NEK11: variants seen among roughly 807,000 people sequenced by gnomAD.
NEK11 encodes the protein serine/threonine-protein kinase Nek11.
A neutral mutation model predicts 80.7 loss-of-function variants in NEK11; 72 were observed. The ratio of observed to expected loss-of-function variants is 0.89; its 90% CI spans 0.74 to 1.08. The LOEUF is 1.08. Ranked by LOEUF, NEK11 falls within the 50% of genes least tolerant of loss-of-function variation. NEK11 has a pLI of 0.00. For synonymous variants in NEK11, 251 were observed against 260.7 expected (o/e 0.96, Z 0.36); for missense variants, 764 against 763.6 (o/e 1.00, Z -0.01).
At chr3:131,240,823 C>A (rs2095507800) in intron 15 of NEK11, among the ~76,000 whole-genome samples, 1 of 152,080 alleles carries the variant, frequency 6.6e-6, no homozygotes, top group African/African-American at 2.4e-5. Flanking sequence ...AGGAGATCAT[C>A]TGGATTATTT....
chr3:131,103,298 G>A (rs184705120), intron 4 of NEK11, among the ~76,000 whole-genome samples: 9 of 152,152 alleles, frequency 5.9e-5, no homozygotes, highest in South Asian at 2.1e-4. Context: ...GAAGGTTGGC[G>A]TTCCTTTAAT....
At chr3:131,245,000 A>G (rs2095575789) in intron 16 of NEK11, among the ~76,000 whole-genome samples, 2 of 152,136 alleles carry the variant, frequency 1.3e-5, no homozygotes, top group African/African-American at 4.8e-5. Context: ...TATATTGCAC[A>G]GTGGTAAAGT....
rs1027417582 is a variant in NEK11 at position 131,114,691 on chromosome 3, G to C, written c.455+4770G>C. Among the ~76,000 whole-genome samples the C allele has an allele frequency of 2.5e-4, 38 of 152,270 alleles. 1 individual carries two copies. The highest frequency in any genetic ancestry group is 8.7e-4 in the African/African-American group (36 of 41,550). On this transcript the variant is annotated intron_variant, in intron 5 of 17. Coordinates refer to ENST00000383366, the MANE Select transcript of NEK11 (RefSeq NM_024800.5). ...TCCCAAAGGGACCCCTCACTGCAAG[G>C]AATAAGAAGCGTGAATACTTGGGAA...
At chr3:131,108,016 AG>A (rs1292733566) in intron 4 of NEK11, among the ~76,000 whole-genome samples, 15 of 152,152 alleles carry the variant, frequency 9.9e-5, no homozygotes, top group Non-Finnish European at 1.8e-4. Flanking sequence ...CTTTTAGACA[AG>A]GAGTTAAGTA....
chr3:131,091,372 A>G (rs894491664), intron 4 of NEK11, among the ~76,000 whole-genome samples: 2 of 152,290 alleles, frequency 1.3e-5, no homozygotes, highest in African/African-American at 4.8e-5. Context: ...GTCTAAATAT[A>G]TATTTATTTA....
chr3:131,325,905 A>T (rs934008826), intron 17 of NEK11: 4 of 152,232 alleles, frequency 2.6e-5, no homozygotes, highest in Non-Finnish European at 5.9e-5. Flanking sequence ...TTGTGATTGG[A>T]TGCCAGATTG....
intron 3 of NEK11, among the ~76,000 whole-genome samples, chr3:131,038,394 A>G (rs1371645708): frequency 6.6e-6 from 1 of 152,232 alleles, no homozygotes; most frequent in Non-Finnish European, 1.5e-5. Flanking sequence ...AATCATGGTA[A>G]TGAAGTCAAT....
intron 3 of NEK11, among the ~76,000 whole-genome samples, chr3:131,040,353 T>G (rs1465075755): frequency 6.6e-6 from 1 of 152,020 alleles, no homozygotes; most frequent in Non-Finnish European, 1.5e-5. Flanking sequence ...CTAAGCCTGA[T>G]GAAATGTGTG....
At chr3:131,207,109 T>C (rs2094463436) in intron 14 of NEK11, among the ~76,000 whole-genome samples, 1 of 152,252 alleles carries the variant, frequency 6.6e-6, no homozygotes, top group African/African-American at 2.4e-5. Flanking sequence ...CTATTGTGAA[T>C]AGTGCCACAA....
chr3:131,221,151 A>G (rs746324255), intron 14 of NEK11, among the ~76,000 whole-genome samples: 6 of 152,192 alleles, frequency 3.9e-5, no homozygotes, highest in Admixed American at 1.3e-4. Flanking sequence ...TTCAGCAAGA[A>G]GTTTTGGGTG....
intron 4 of NEK11, among the ~76,000 whole-genome samples, chr3:131,105,177 C>T (rs1006877233): frequency 1.3e-5 from 2 of 152,166 alleles, no homozygotes; most frequent in African/African-American, 2.4e-5. Context: ...ATTATCTTGA[C>T]AAAATGCAGA....
At chr3:131,258,601 C>T (rs1032179283) in intron 16 of NEK11, among the ~76,000 whole-genome samples, 5 of 152,088 alleles carry the variant, frequency 3.3e-5, no homozygotes, top group Non-Finnish European at 4.4e-5. Context: ...AATGTCAATC[C>T]AAAAAACAGA....
chr3:131,317,193 G>A (rs2109596721), intron 17 of NEK11, among the ~76,000 whole-genome samples: 1 of 152,302 alleles, frequency 6.6e-6, no homozygotes, highest in East Asian at 1.9e-4. Context: ...TTAAACCTAG[G>A]ACAGTGTCAG....
intron 4 of NEK11, among the ~76,000 whole-genome samples, chr3:131,092,581 C>A (rs993399731): frequency 2.6e-5 from 4 of 152,138 alleles, no homozygotes; most frequent in African/African-American, 7.2e-5. Flanking sequence ...CATACATATT[C>A]CCATGTTCAT....
At chr3:131,121,250 C>T (rs1478398737) in intron 5 of NEK11, among the ~76,000 whole-genome samples, 1 of 152,174 alleles carries the variant, frequency 6.6e-6, no homozygotes, top group African/African-American at 2.4e-5. Flanking sequence ...GCTGGAGGTC[C>T]ATTGCAGACC....
At chr3:131,255,451 A>T (rs747781135) in intron 16 of NEK11, among the ~76,000 whole-genome samples, 13 of 152,190 alleles carry the variant, frequency 8.5e-5, no homozygotes, top group Non-Finnish European at 1.2e-4. Context: ...AAACAGTGGT[A>T]TCCTAACCCA....
chr3:131,247,558 G>A (rs1315689386), intron 16 of NEK11, among the ~76,000 whole-genome samples: 1 of 152,056 alleles, frequency 6.6e-6, no homozygotes, highest in Non-Finnish European at 1.5e-5. Flanking sequence ...CAGGTAATGT[G>A]ATGCCTCCAG....
intron 17 of NEK11, 21 bp downstream of exon 17, chr3:131,273,595 C>T: frequency 6.4e-7 from 1 of 1,569,822 alleles, no homozygotes; most frequent in Non-Finnish European, 8.8e-7. Flanking sequence ...TGTTGCCTGC[C>T]CCCTAGGAAG....
At chr3:131,195,781 T>C (rs2093980487) in intron 14 of NEK11, among the ~76,000 whole-genome samples, 1 of 112,766 alleles carries the variant, frequency 8.9e-6, no homozygotes, top group Non-Finnish European at 1.8e-5. Context: ...ATATAAAGAA[T>C]ATATATTTCA....
Sources: allele counts gnomAD v4.1 joint callset (sites outside exome capture counted in the v4.1 genomes callset), GRCh38; gene constraint gnomAD v4.1.1; transcripts MANE v1.5; gene names NCBI Gene and HGNC (gene_info 2026-07-23, HGNC 2026-07-21).